Variants in TTPA observed in about 807,000 individuals in gnomAD.
The protein encoded by TTPA is alpha-tocopherol transfer protein.
Under a neutral mutation model 25.9 loss-of-function variants are expected in TTPA, and 23 were observed. The observed-to-expected ratio is 0.89, with a 90% confidence interval of 0.64 to 1.26. TTPA has a LOEUF of 1.26. Among genes scored for constraint, TTPA ranks in the 50% most tolerant of loss-of-function variants. TTPA has a pLI of 0.00. For missense variants in TTPA, 337 were observed against 353.1 expected (o/e 0.95, Z 0.37); for synonymous variants, 148 against 137.3 (o/e 1.08, Z -0.54).
chr8:63,079,952 G>T (rs1333083571), intron 1 of TTPA, among the ~76,000 whole-genome samples: 6 of 152,152 alleles, frequency 3.9e-5, no homozygotes, highest in Non-Finnish European at 8.8e-5. Context: ...TAAAAGAAAA[G>T]AAATCACAAC....
chr8:63,084,747 T>TA (rs1805720858), intron 1 of TTPA, among the ~76,000 whole-genome samples: 2 of 152,358 alleles, frequency 1.3e-5, no homozygotes, highest in Admixed American at 1.3e-4. Flanking sequence ...GTTAGAAACT[T>TA]ACTTTTCACG....
intron 2 of TTPA, among the ~76,000 whole-genome samples, chr8:63,066,645 A>G (rs1805395277): frequency 6.6e-6 from 1 of 152,182 alleles, no homozygotes; most frequent in Non-Finnish European, 1.5e-5. Flanking sequence ...TGCTCACACC[A>G]AAGAGAAACA....
At position 63,071,771 on chromosome 8, in the gene TTPA, G is replaced by A. The variant is rs76812626; in HGVS notation, c.358+1164C>T. On this transcript the variant is annotated intron_variant, in intron 2 of 4. Transcript: ENST00000260116. ...CTTCCAACATGTGAGGTTAAAGTGA[G>A]AGATGTCACCTAGGAACCAGGTAGC... Among the ~76,000 whole-genome samples the A allele has an allele frequency of 1.5e-3, 234 of 152,288 alleles. 3 individuals are homozygous for A. The highest frequency in any genetic ancestry group is 8.9e-3 in the South Asian group (43 of 4,820).
Position 63,059,917 on chromosome 8 carries a change from C to T in TTPA, c.*1335G>A, listed in dbSNP as rs1417375439. The stretch of plus-strand genomic sequence containing the variant: ...GTATTGCCCAGGCTGGTCTAGAACT[C>T]CTGCGCTCAAGCAATCATCCATCCA... On this transcript the variant is annotated 3_prime_UTR_variant, in exon 5 of 5. Transcript: ENST00000260116. 6.6e-6 allele frequency: 1 copy of T among 152,028 alleles called. No homozygotes were observed. Among genetic ancestry groups the T allele is most frequent in the African/African-American group, 2.4e-5 (1 of 41,372 alleles). The allele number at this position is 152,028 out of a possible 1,614,324, so 9.4% of individuals were successfully genotyped here.
intron 1 of TTPA, among the ~76,000 whole-genome samples, chr8:63,076,125 T>C (rs921507991): frequency 5.3e-5 from 8 of 152,230 alleles, no homozygotes; most frequent in African/African-American, 1.9e-4. Flanking sequence ...ACTTAATGGC[T>C]ACATAATTTC....
At chr8:63,069,544 A>G (rs1331671295) in intron 2 of TTPA, among the ~76,000 whole-genome samples, 1 of 152,090 alleles carries the variant, frequency 6.6e-6, no homozygotes, top group Non-Finnish European at 1.5e-5. Context: ...CCTGGGCAAC[A>G]TAGTGAGAAT....
At chr8:63,061,498 C>G in intron 4 of TTPA, 73 bp from the exon 5 acceptor site, 1 of 1,379,778 alleles carries the variant, frequency 7.2e-7, no homozygotes, top group South Asian at 1.2e-5. Context: ...CCTCATAAAA[C>G]AAGGTATTCT....
chr8:63,084,683 T>C (rs1327086010), intron 1 of TTPA, among the ~76,000 whole-genome samples: 1 of 152,230 alleles, frequency 6.6e-6, no homozygotes, highest in Non-Finnish European at 1.5e-5. Flanking sequence ...TCTGGGTATG[T>C]GACTGACAAA....
At chr8:63,078,573 G>A (rs1333500181) in intron 1 of TTPA, among the ~76,000 whole-genome samples, 3 of 152,166 alleles carry the variant, frequency 2.0e-5, no homozygotes, top group Admixed American at 1.3e-4. Flanking sequence ...CCATCAAGTG[G>A]AAAGAAGGGT....
At chr8:63,081,711 G>A (rs1004110365) in intron 1 of TTPA, among the ~76,000 whole-genome samples, 1 of 152,270 alleles carries the variant, frequency 6.6e-6, no homozygotes, top group East Asian at 1.9e-4. Context: ...GTCCCTGTTT[G>A]CAGAAGACAT....
intron 1 of TTPA, among the ~76,000 whole-genome samples, chr8:63,079,718 A>G (rs1024732575): frequency 6.6e-6 from 1 of 152,126 alleles, no homozygotes; most frequent in East Asian, 1.9e-4. Context: ...CACAATAATA[A>G]TGGGAGACTT....
At chr8:63,058,555 A>C (rs1038321965), downstream of TTPA, among the ~76,000 whole-genome samples, 1 of 152,190 alleles carries the variant, frequency 6.6e-6, no homozygotes, top group African/African-American at 2.4e-5. Flanking sequence ...ACAATTAGAC[A>C]ATTATTTGCT....
In TTPA at chr8:63,085,812, G is replaced by A. The variant is rs574780098; in HGVS notation, c.204+6C>T. On this transcript the variant is annotated splice_donor_region_variant and intron_variant, in intron 1 of 4. Coordinates refer to ENST00000260116, the MANE Select transcript of TTPA (RefSeq NM_000370.3). The stretch of plus-strand genomic sequence containing the variant: ...ACTGCCGAGCGCCCTGGGCACGCAC[G>A]CTTACCCGCCAGGCCAGGTCCAGAT... 3.1e-5 allele frequency: 47 copies of A among 1,534,450 alleles called. No individual in the cohort carries two copies. In the African/African-American group the frequency reaches 5.9e-4, roughly 19 times the overall value.
chr8:63,072,356 A>C (rs1805495849), intron 2 of TTPA, among the ~76,000 whole-genome samples: 1 of 152,142 alleles, frequency 6.6e-6, no homozygotes, highest in Non-Finnish European at 1.5e-5. Flanking sequence ...TCTGCCTCCC[A>C]GGTTCATGCA....
At chr8:63,075,188 T>G (rs1171909670) in intron 1 of TTPA, among the ~76,000 whole-genome samples, 5 of 152,172 alleles carry the variant, frequency 3.3e-5, no homozygotes. Context: ...AAAATAAATA[T>G]TCATCATTGG....
Position 63,073,107 on chromosome 8 carries a change from A to G in TTPA, c.205-19T>C, listed in dbSNP as rs777447024. The G allele has an allele frequency of 3.2e-5, 51 of 1,584,710 alleles. No homozygotes were observed. Among genetic ancestry groups the G allele is most frequent in the Non-Finnish European group, 4.3e-5 (50 of 1,158,544 alleles). ...TTAGTAACTGAAAAATAAAATTAAA[A>G]TTGTCTACAAATGGCATACATGGTA... On this transcript the variant is annotated intron_variant, in intron 1 of 4. Coordinates refer to ENST00000260116, the MANE Select transcript of TTPA (RefSeq NM_000370.3).
intron 2 of TTPA, among the ~76,000 whole-genome samples, chr8:63,070,272 T>G (rs1050121701): frequency 3.9e-5 from 6 of 152,234 alleles, no homozygotes; most frequent in Admixed American, 3.9e-4. Flanking sequence ...CTACAGCATG[T>G]TGGCTGATAA....
chr8:63,084,632 T>C (rs1805718797), intron 1 of TTPA, among the ~76,000 whole-genome samples: 1 of 152,216 alleles, frequency 6.6e-6, no homozygotes, highest in East Asian at 1.9e-4. Flanking sequence ...TTGTGCAACC[T>C]CTGGCTGTTT....
intron 2 of TTPA, among the ~76,000 whole-genome samples, chr8:63,070,467 G>C (rs1188863605): frequency 6.6e-6 from 1 of 152,072 alleles, no homozygotes; most frequent in African/African-American, 2.4e-5. Flanking sequence ...ATCAAATTTA[G>C]AAAAGTTTTC....
Sources: allele counts gnomAD v4.1 joint callset (sites outside exome capture counted in the v4.1 genomes callset), GRCh38; gene constraint gnomAD v4.1.1; transcripts MANE v1.5; gene names NCBI Gene and HGNC (gene_info 2026-07-23, HGNC 2026-07-21).